The following LTBP1 variants were observed in gnomAD, a reference collection of about 807,000 sequenced individuals.
LTBP1 encodes the protein latent-transforming growth factor beta-binding protein 1.
LTBP1 carries 129 observed loss-of-function variants against 207.6 expected under a neutral mutation model. The ratio of observed to expected loss-of-function variants is 0.62; its 90% CI spans 0.54 to 0.72. LTBP1 has a LOEUF of 0.72. LTBP1 is among the 30% of genes least tolerant of loss of function. LTBP1 has a pLI of 0.00. For missense variants in LTBP1, 2,281 were observed against 2,217.2 expected (o/e 1.03, Z -0.58); for synonymous variants, 963 against 833.7 (o/e 1.16, Z -2.67).
At chr2:33,288,857 A>G (rs75865352) in intron 19 of LTBP1, among the ~76,000 whole-genome samples, 196 of 146,092 alleles carry the variant, frequency 1.3e-3, no homozygotes, top group African/African-American at 4.5e-3. Flanking sequence ...TCTGTCTCAA[A>G]AAAAAAAAAA....
chr2:33,078,479 C>G (rs1028067683), intron 3 of LTBP1, among the ~76,000 whole-genome samples: 6 of 152,144 alleles, frequency 3.9e-5, no homozygotes, highest in African/African-American at 1.4e-4. Flanking sequence ...TAAAGCCAAG[C>G]TTATCTTGAT....
At chr2:33,025,696 T>C (rs1254669745) in intron 3 of LTBP1, among the ~76,000 whole-genome samples, 1 of 152,242 alleles carries the variant, frequency 6.6e-6, no homozygotes, top group African/African-American at 2.4e-5. Flanking sequence ...AGGAGAATCA[T>C]GTTAAAGTAT....
intron 31 of LTBP1, among the ~76,000 whole-genome samples, chr2:33,380,414 T>TA (rs147323558): frequency 0.11 from 9,809 of 92,458 alleles, 971 homozygotes; most frequent in African/African-American, 0.32. Context: ...CTGTTTCTAC[T>TA]AAAAAAATAC....
intron 3 of LTBP1, among the ~76,000 whole-genome samples, chr2:33,064,747 A>C (rs2077423266): frequency 6.6e-6 from 1 of 152,236 alleles, no homozygotes; most frequent in Non-Finnish European, 1.5e-5. Context: ...TCTTGAAAAG[A>C]CAGGCCAGAA....
In LTBP1 at chr2:33,134,507, T is replaced by C. The variant is rs1467558663; in HGVS notation, c.1034-286T>C. 7.2e-7 allele frequency: 1 copy of C among 1,398,376 alleles called. No homozygotes were observed. Among genetic ancestry groups the C allele is most frequent in the East Asian group, 2.9e-5 (1 of 34,092 alleles). The allele number at this position is 1,398,376 out of a possible 1,614,324, so 86.6% of individuals were successfully genotyped here. On this transcript the variant is annotated intron_variant, in intron 4 of 33. Transcript: ENST00000404816. The surrounding 1 kb of genome is among the most constrained non-coding windows in gnomAD (Gnocchi z 4.4). ...CCGTGAATAAAGTGCAGCATTGTGG[T>C]TAGTAATCCCACTCCAGTGACTCGA... is the stretch of plus-strand genomic sequence containing the variant.
chr2:33,133,221 T>C (rs140771751), intron 4 of LTBP1, among the ~76,000 whole-genome samples: 19 of 152,264 alleles, frequency 1.2e-4, no homozygotes, highest in African/African-American at 4.3e-4. Flanking sequence ...CAGTTTTAAT[T>C]TGTTGAGGGT....
rs1326054295 is a variant in LTBP1 at position 33,082,443 on chromosome 2, T to A, written c.864-28139T>A. 3.9e-5 allele frequency among the ~76,000 whole-genome samples: 5 copies of A among 128,168 alleles called. 1 individual carries two copies. The highest frequency in any genetic ancestry group is 5.0e-5 in the Non-Finnish European group (3 of 60,184). 84.1% of individuals were successfully genotyped at this position (128,168 alleles called of 152,430 possible). A position where few individuals can be genotyped will look rare whatever the true frequency, so the allele number is the denominator to read the frequency against. ...TAAAGTATGACTCACTTTTTTTTTT[T>A]TTTTTTTTTTTTTTTTTTTTTTTGA... On this transcript the variant is annotated intron_variant, in intron 3 of 33. Transcript: ENST00000404816.
Position 33,397,187 on chromosome 2 carries a change from G to C in LTBP1, c.4889G>C (p.Gly1630Ala). ...LQAEECGILN[G>A]CENGRCVRVQ... is the part of the protein sequence containing the mutation. ...GCTGAGGAATGCGGCATCCTCAATG[G>C]ATGTGAAAATGGTCGCTGTGTGAGG... The change falls in exon 33 of 34, where the codon GGA becomes GCA. Residue 1630 changes from glycine to alanine, a missense_variant. Physicochemically the swap from Gly to Ala is moderately conservative, Grantham distance 60 (BLOSUM62 0). Around this residue, in one of 3 missense-constraint regions of LTBP1, gnomAD observed 1,671 missense variants for 1,634.8 expected, o/e 1.02. Coordinates refer to ENST00000404816, the MANE Select transcript of LTBP1 (RefSeq NM_206943.4). The C allele has an allele frequency of 3.1e-6, 5 of 1,614,188 alleles. No homozygotes were observed. The highest frequency in any genetic ancestry group is 3.4e-6 in the Non-Finnish European group (4 of 1,180,020).
chr2:33,245,145 G>A (rs978739344), intron 10 of LTBP1, among the ~76,000 whole-genome samples: 3 of 152,150 alleles, frequency 2.0e-5, no homozygotes, highest in Non-Finnish European at 4.4e-5. Flanking sequence ...CTCCCAAAGT[G>A]CTGGGATTAT....
At chr2:33,261,531 G>A (rs2093008672) in intron 13 of LTBP1, among the ~76,000 whole-genome samples, 2 of 151,558 alleles carry the variant, frequency 1.3e-5, no homozygotes, top group South Asian at 4.2e-4. Context: ...CCGGCCTAGG[G>A]TGGTGGGATC....
intron 4 of LTBP1, among the ~76,000 whole-genome samples, chr2:33,123,502 C>G (rs1308175579): frequency 6.6e-6 from 1 of 152,052 alleles, no homozygotes; most frequent in Non-Finnish European, 1.5e-5. Context: ...AAATTAGATG[C>G]CTCTCTTTGA....
intron 3 of LTBP1, among the ~76,000 whole-genome samples, chr2:33,036,239 G>A (rs1006934657): frequency 1.3e-5 from 2 of 152,106 alleles, no homozygotes; most frequent in Non-Finnish European, 2.9e-5. Flanking sequence ...GTCTGGGGAG[G>A]GGTGGAGAAT....
intron 20 of LTBP1, among the ~76,000 whole-genome samples, chr2:33,295,628 T>G (rs1395925750): frequency 6.6e-6 from 1 of 152,178 alleles, no homozygotes; most frequent in Non-Finnish European, 1.5e-5. Flanking sequence ...GCTTCCCTAA[T>G]TTTCCTTTTT....
intron 2 of LTBP1, among the ~76,000 whole-genome samples, chr2:32,959,541 GTA>G (rs1553344451): frequency 1.5e-4 from 17 of 113,784 alleles, no homozygotes; most frequent in East Asian, 2.2e-4. Context: ...TATTATTGCT[GTA>G]TATATATGTG....
chr2:33,166,848 C>T (rs371134938), intron 5 of LTBP1, among the ~76,000 whole-genome samples: 28 of 152,292 alleles, frequency 1.8e-4, no homozygotes, highest in African/African-American at 6.0e-4. Flanking sequence ...CCCTGAATAG[C>T]GTTAGCATTT....
At chr2:33,312,085 T>G (rs1233271934) in intron 23 of LTBP1, among the ~76,000 whole-genome samples, 1 of 152,200 alleles carries the variant, frequency 6.6e-6, no homozygotes, top group East Asian at 1.9e-4. Context: ...GAATTATCCC[T>G]TTTCGCTCTT....
intron 10 of LTBP1, among the ~76,000 whole-genome samples, chr2:33,244,159 G>C (rs1032398128): frequency 1.3e-5 from 2 of 152,126 alleles, no homozygotes; most frequent in Non-Finnish European, 2.9e-5. Flanking sequence ...GCATTCTTTA[G>C]GTTGAATTGA....
intron 4 of LTBP1, among the ~76,000 whole-genome samples, chr2:33,119,104 T>G (rs1042544812): frequency 1.3e-5 from 2 of 152,042 alleles, no homozygotes; most frequent in African/African-American, 4.8e-5. Context: ...CATTTCTGGG[T>G]GTTGAGACTG....
At chr2:33,307,871 T>G (rs2094123541) in intron 22 of LTBP1, among the ~76,000 whole-genome samples, 1 of 152,224 alleles carries the variant, frequency 6.6e-6, no homozygotes. Flanking sequence ...ATTTCTCTTT[T>G]GTTTGCCCTG....
Sources: gnomAD v4.1 joint callset for allele counts (sites outside exome capture counted in the v4.1 genomes callset) on GRCh38, gnomAD v4.1.1 for gene constraint, gnomAD v4.1.1 regional missense constraint, Gnocchi (gnomAD v3.1) non-coding constraint, MANE v1.5 for transcripts, NCBI Gene and HGNC (gene_info 2026-07-23, HGNC 2026-07-21) for gene names.